Variants in ARHGAP26 observed in about 807,000 individuals in gnomAD.
ARHGAP26 encodes Rho GTPase activating protein 26, also known as rho GTPase-activating protein 26.
ARHGAP26 carries 38 observed loss-of-function variants against 104.8 expected under a neutral mutation model. The observed-to-expected ratio is 0.36, with a 90% CI of 0.28 to 0.48. ARHGAP26 has a LOEUF of 0.48. ARHGAP26 is among the 20% of genes least tolerant of loss of function. The pLI is 0.99. For missense variants in ARHGAP26, 704 were observed against 947.9 expected (o/e 0.74, Z 3.38); for synonymous variants, 341 against 340.0 (o/e 1.00, Z -0.03).
At chr5:143,209,391 T>G (rs1175195896) in intron 21 of ARHGAP26, among the ~76,000 whole-genome samples, 2 of 152,210 alleles carry the variant, frequency 1.3e-5, no homozygotes, top group African/African-American at 4.8e-5. Context: ...TGTTGCCATC[T>G]TGTGTGTCTG....
chr5:143,014,227 C>T, intron 12 of ARHGAP26, 111 bp downstream of exon 12: 1 of 1,248,998 alleles, frequency 8.0e-7, no homozygotes, highest in South Asian at 1.2e-5. Flanking sequence ...GTTGGGTTGG[C>T]TCCAGTTCCC....
chr5:142,879,350 C>T (rs1442597504), intron 3 of ARHGAP26, 24 bp from the exon 4 acceptor site: 7 of 1,608,604 alleles, frequency 4.4e-6, no homozygotes, highest in Non-Finnish European at 6.0e-6. Context: ...GTCTTCTTTC[C>T]CTTACTCTGT....
intron 20 of ARHGAP26, among the ~76,000 whole-genome samples, chr5:143,193,552 A>G (rs1290290000): frequency 1.3e-5 from 2 of 152,124 alleles, no homozygotes; most frequent in African/African-American, 2.4e-5. Flanking sequence ...GCCCCGGCCT[A>G]CAGTGCTTAT....
intron 3 of ARHGAP26, among the ~76,000 whole-genome samples, chr5:142,876,303 A>G (rs114783012): frequency 6.6e-6 from 1 of 152,304 alleles, no homozygotes; most frequent in African/African-American, 2.4e-5. Context: ...CTATTCACCA[A>G]GATGCATTTT....
chr5:143,183,566 G>A (rs1804709354), intron 20 of ARHGAP26, among the ~76,000 whole-genome samples: 1 of 152,142 alleles, frequency 6.6e-6, no homozygotes, highest in Non-Finnish European at 1.5e-5. Flanking sequence ...CTGTGCCGGG[G>A]AGCAGCTTGC....
chr5:143,091,230 T>C (rs567492357), intron 17 of ARHGAP26, among the ~76,000 whole-genome samples: 1 of 152,164 alleles, frequency 6.6e-6, no homozygotes, highest in Non-Finnish European at 1.5e-5. Context: ...GCAGTCTCAG[T>C]GGTTAGCAGC....
intron 11 of ARHGAP26, among the ~76,000 whole-genome samples, chr5:143,010,500 T>C (rs1360317974): frequency 6.6e-6 from 1 of 152,232 alleles, no homozygotes; most frequent in Non-Finnish European, 1.5e-5. Flanking sequence ...ATCTGGTTGC[T>C]TCCCCACCCT....
chr5:142,801,614 T>G (rs1762084393), intron 1 of ARHGAP26, among the ~76,000 whole-genome samples: 1 of 147,272 alleles, frequency 6.8e-6, no homozygotes, highest in South Asian at 2.1e-4. Flanking sequence ...AGTAGAGGGT[T>G]TTTTTTTTTT....
At chr5:143,091,787 C>G (rs1042908354) in intron 17 of ARHGAP26, among the ~76,000 whole-genome samples, 2 of 152,102 alleles carry the variant, frequency 1.3e-5, no homozygotes, top group Admixed American at 1.3e-4. Flanking sequence ...TTTTAATATC[C>G]AGTTCACGGA....
chr5:142,990,713 T>C (rs994560916), intron 11 of ARHGAP26, among the ~76,000 whole-genome samples: 2 of 152,200 alleles, frequency 1.3e-5, no homozygotes, highest in African/African-American at 4.8e-5. Context: ...TCTGTTGGGG[T>C]TCGCTGGAGG....
rs1162535877 is a variant in ARHGAP26, at chr5:142,890,136, T to TA, written c.487-4086dup. ...GGGTAACAAGAGCGAAACTCCGTCTTAAAAAAAAAAAAAAAATATATATAT... is the reference window on the plus strand; with the variant it reads ...GGGTAACAAGAGCGAAACTCCGTCTTAAAAAAAAAAAAAAAAATATATATAT... On this transcript the variant is annotated intron_variant, in intron 5 of 22. Coordinates refer to ENST00000645722, the MANE Select transcript of ARHGAP26 (RefSeq NM_001135608.3). 5.0e-3 allele frequency among the ~76,000 whole-genome samples: 146 copies of TA among 29,154 alleles called. 8 individuals are homozygous for TA. Among genetic ancestry groups the TA allele is most frequent in the African/African-American group, 0.011 (62 of 5,576 alleles). 19.1% of individuals were successfully genotyped at this position (29,154 alleles called of 152,430 possible). A position where few individuals can be genotyped will look rare whatever the true frequency, so the allele number is the denominator to read the frequency against.
intron 10 of ARHGAP26, among the ~76,000 whole-genome samples, chr5:142,916,870 G>A (rs994396526): frequency 1.3e-5 from 2 of 152,092 alleles, no homozygotes; most frequent in African/African-American, 4.8e-5. Flanking sequence ...TCCTTGTGTT[G>A]TGTCATCCTC....
intron 20 of ARHGAP26, among the ~76,000 whole-genome samples, chr5:143,193,201 T>C (rs1384968987): frequency 6.6e-6 from 1 of 150,860 alleles, no homozygotes; most frequent in African/African-American, 2.4e-5. Context: ...ACCTCAGTTA[T>C]CAGATTGACT....
chr5:143,206,234 A>G (rs1286369330), intron 20 of ARHGAP26, among the ~76,000 whole-genome samples: 1 of 152,206 alleles, frequency 6.6e-6, no homozygotes, highest in Non-Finnish European at 1.5e-5. Flanking sequence ...CAGTCCGCTG[A>G]GATTCAGGAG....
At chr5:143,067,504 A>G (rs1289887814) in intron 17 of ARHGAP26, among the ~76,000 whole-genome samples, 17 of 152,196 alleles carry the variant, frequency 1.1e-4, no homozygotes, top group Admixed American at 1.1e-3. Flanking sequence ...AAGGGCTTGA[A>G]CAAAAGTTCA....
At chr5:142,805,240 T>C (rs984857245) in intron 1 of ARHGAP26, among the ~76,000 whole-genome samples, 2 of 151,710 alleles carry the variant, frequency 1.3e-5, no homozygotes, top group Non-Finnish European at 2.9e-5. Context: ...GTAGCTGGGA[T>C]TACAAGCATG....
At chr5:143,164,911 A>G (rs1247214752) in intron 20 of ARHGAP26, 1 of 152,234 alleles carries the variant, frequency 6.6e-6, no homozygotes, top group Non-Finnish European at 1.5e-5. Flanking sequence ...ATCTGAATAT[A>G]TAATCAGTGT....
At chr5:143,123,740 C>A (rs1375568735) in intron 18 of ARHGAP26, among the ~76,000 whole-genome samples, 1 of 152,078 alleles carries the variant, frequency 6.6e-6, no homozygotes, top group African/African-American at 2.4e-5. Context: ...TGCCTAAAGC[C>A]CTAGCTATGG....
intron 1 of ARHGAP26, among the ~76,000 whole-genome samples, chr5:142,777,231 G>T (rs959877758): frequency 1.3e-5 from 2 of 152,120 alleles, no homozygotes; most frequent in African/African-American, 4.8e-5. Context: ...TCAGTTTCAG[G>T]ATCTCAGGAA....
Sources: allele counts gnomAD v4.1 joint callset (sites outside exome capture counted in the v4.1 genomes callset), GRCh38; gene constraint gnomAD v4.1.1; transcripts MANE v1.5; gene names NCBI Gene and HGNC (gene_info 2026-07-23, HGNC 2026-07-21).